Variants in OPCML observed in about 807,000 individuals in gnomAD.
The protein encoded by OPCML is opioid-binding protein/cell adhesion molecule.
OPCML carries 13 observed loss-of-function variants against 37.8 expected under a neutral mutation model. The observed-to-expected ratio is 0.34, with a 90% confidence interval of 0.22 to 0.55. The LOEUF (loss-of-function observed/expected upper bound fraction) is 0.55. Ranked by LOEUF, OPCML falls within the 20% of genes least tolerant of loss-of-function variation. The pLI, the probability that OPCML is intolerant of heterozygous loss-of-function variation, is 0.91. For synonymous variants in OPCML, 176 were observed against 168.8 expected (o/e 1.04, Z -0.33); for missense variants, 341 against 435.6 (o/e 0.78, Z 1.93).
intron 2 of OPCML, among the ~76,000 whole-genome samples, chr11:132,856,349 C>CAGT (rs1162779872): frequency 6.6e-6 from 1 of 152,138 alleles, no homozygotes; most frequent in Non-Finnish European, 1.5e-5. Flanking sequence ...AGTTGAGAAA[C>CAGT]AGTCACACTG....
intron 4 of OPCML, among the ~76,000 whole-genome samples, chr11:132,510,202 A>G (rs1313338755): frequency 6.6e-6 from 1 of 152,112 alleles, no homozygotes. Context: ...TCCCTTTTGG[A>G]ATGACTATAT....
chr11:132,812,731 A>G (rs1939417047), intron 2 of OPCML, among the ~76,000 whole-genome samples: 1 of 152,178 alleles, frequency 6.6e-6, no homozygotes, highest in Non-Finnish European at 1.5e-5. Context: ...TCACTAATTC[A>G]TCTCCTACTC....
chr11:133,502,116 G>A (rs527627712), intron 1 of OPCML, among the ~76,000 whole-genome samples: 26 of 152,238 alleles, frequency 1.7e-4, no homozygotes, highest in South Asian at 1.7e-3. Context: ...TGGCAGAAGC[G>A]TGGCAGAAAA....
chr11:132,677,721 G>C (rs1235287293), intron 2 of OPCML, among the ~76,000 whole-genome samples: 4 of 151,990 alleles, frequency 2.6e-5, no homozygotes, highest in Non-Finnish European at 4.4e-5. Flanking sequence ...AAAAGAAAAA[G>C]AATCTAGACA....
At chr11:132,899,528 T>C (rs1426873721) in intron 2 of OPCML, among the ~76,000 whole-genome samples, 1 of 152,210 alleles carries the variant, frequency 6.6e-6, no homozygotes, top group Non-Finnish European at 1.5e-5. Context: ...GTGGAACTAT[T>C]TCCTTGTTAC....
chr11:133,204,195 ATAAT>A (rs1294432195), intron 1 of OPCML, among the ~76,000 whole-genome samples: 4 of 152,234 alleles, frequency 2.6e-5, no homozygotes, highest in South Asian at 4.1e-4. Flanking sequence ...AGAACAAGAA[ATAAT>A]TAAGCCAAGT....
intron 1 of OPCML, among the ~76,000 whole-genome samples, chr11:133,305,407 T>C (rs35690709): frequency 0.077 from 11,714 of 152,232 alleles, 1,143 homozygotes; most frequent in East Asian, 0.42. Context: ...TTAAAGAGCC[T>C]TCCCTTCAGC....
chr11:132,639,198 C>T (rs1463834825), intron 3 of OPCML, among the ~76,000 whole-genome samples: 2 of 152,144 alleles, frequency 1.3e-5, no homozygotes, highest in African/African-American at 2.4e-5. Context: ...AAAGAGCAGG[C>T]GGGTGGTCTG....
At chr11:133,369,418 G>A (rs748206451) in intron 1 of OPCML, among the ~76,000 whole-genome samples, 2 of 152,144 alleles carry the variant, frequency 1.3e-5, no homozygotes, top group Non-Finnish European at 2.9e-5. Context: ...CCAAAAGCAA[G>A]AAAGGCCAAG....
intron 2 of OPCML, among the ~76,000 whole-genome samples, chr11:132,676,789 G>GA (rs1196087295): frequency 0.012 from 1,154 of 93,770 alleles, 9 homozygotes; most frequent in South Asian, 0.031. Flanking sequence ...AAACAAACAA[G>GA]AAAAAAAAAA....
intron 3 of OPCML, among the ~76,000 whole-genome samples, chr11:132,653,540 A>G (rs1014295803): frequency 6.6e-6 from 1 of 152,180 alleles, no homozygotes; most frequent in Non-Finnish European, 1.5e-5. Flanking sequence ...ACATGCTCAC[A>G]CGGTGCCTGT....
intron 2 of OPCML, among the ~76,000 whole-genome samples, chr11:132,879,576 T>C (rs927513318): frequency 1.3e-5 from 2 of 152,212 alleles, no homozygotes; most frequent in Non-Finnish European, 2.9e-5. Context: ...GCTTCTCCTT[T>C]CAGAGTGACA....
At chr11:132,878,962 C>T (rs1943126308) in intron 2 of OPCML, among the ~76,000 whole-genome samples, 1 of 152,166 alleles carries the variant, frequency 6.6e-6, no homozygotes, top group Non-Finnish European at 1.5e-5. Flanking sequence ...ATCAAAGCCT[C>T]AGAGGGGAAT....
chr11:133,439,344 C>T (rs913252436), intron 1 of OPCML: 19 of 980,802 alleles, frequency 1.9e-5, no homozygotes, highest in Non-Finnish European at 2.3e-5. Flanking sequence ...TAAAAACAAA[C>T]AAACCAAACT....
chr11:133,024,390 A>G, intron 1 of OPCML: 1 of 985,356 alleles, frequency 1.0e-6, no homozygotes, highest in Non-Finnish European at 1.2e-6. Context: ...ATTAGGATGG[A>G]GACCTCTGGA....
intron 2 of OPCML, among the ~76,000 whole-genome samples, chr11:132,879,999 C>T (rs754061723): frequency 6.6e-6 from 1 of 152,184 alleles, no homozygotes; most frequent in Non-Finnish European, 1.5e-5. Flanking sequence ...CTTCCCCCAG[C>T]CCCAGAGGTG....
chr11:132,659,599 A>G, intron 2 of OPCML, among the ~76,000 whole-genome samples: 1 of 152,218 alleles, frequency 6.6e-6, no homozygotes, highest in East Asian at 1.9e-4. Context: ...CCCCTTGCAC[A>G]TTCTTAAGTT....
At chr11:132,644,575 T>TGATAAAAA (rs1220695439) in intron 3 of OPCML, among the ~76,000 whole-genome samples, 11 of 152,306 alleles carry the variant, frequency 7.2e-5, no homozygotes, top group African/African-American at 2.6e-4. Context: ...AAGCTGTTTA[T>TGATAAAAA]GATAAAAAGA....
chr11:132,676,527 A>G (rs1487869112), intron 2 of OPCML, among the ~76,000 whole-genome samples: 3 of 151,980 alleles, frequency 2.0e-5, no homozygotes, highest in Non-Finnish European at 4.4e-5. Flanking sequence ...ATATTTGCCA[A>G]TTATATATCT....
Sources: allele counts gnomAD v4.1 joint callset (sites outside exome capture counted in the v4.1 genomes callset), GRCh38; gene constraint gnomAD v4.1.1; transcripts MANE v1.5; gene names NCBI Gene and HGNC (gene_info 2026-07-23, HGNC 2026-07-21).